Variants in MYH2 observed in about 807,000 individuals in gnomAD.
The protein encoded by MYH2 is myosin heavy chain 2, also known as myosin-2.
MYH2 carries 139 observed loss-of-function variants against 228.1 expected under a neutral mutation model. The observed-to-expected ratio is 0.61, with a 90% confidence interval of 0.53 to 0.70. The LOEUF (loss-of-function observed/expected upper bound fraction) is 0.70, where lower values mean the gene tolerates loss of function less well. MYH2 is among the 30% of genes least tolerant of loss of function. The pLI, the probability that MYH2 is intolerant of heterozygous loss-of-function variation, is 0.00. For missense variants in MYH2, 1,809 were observed against 2,357.5 expected (o/e 0.77, Z 4.82); for synonymous variants, 796 against 871.1 (o/e 0.91, Z 1.52).
Position 10,535,356 on chromosome 17 carries a change from TC to T in MYH2, c.1983del (p.Asn662ThrfsTer3). On this transcript the variant is annotated frameshift_variant, in exon 18 of 40. Transcript: ENST00000245503. LOFTEE classifies it high-confidence loss of function. ...QTVSALFREN[L>X]NKLMTNLRST... is the part of the protein sequence containing the mutation. ...CTCCTGAGGTTGGTCATCAGCTTGTTCAAATTCTCCTGTAAAACCAGGAAAA... is the reference window on the plus strand; with the variant it reads ...CTCCTGAGGTTGGTCATCAGCTTGTTAAATTCTCCTGTAAAACCAGGAAAA... 6.2e-7 allele frequency: 1 copy of T among 1,614,106 alleles called. No homozygotes were observed. The highest frequency in any genetic ancestry group is 8.5e-7 in the Non-Finnish European group (1 of 1,179,958).
rs369109207 is a variant in MYH2 at position 10,543,443 on chromosome 17, C to T, written c.741+268G>A. Among the ~76,000 whole-genome samples, 31 of 152,024 alleles carry T rather than the reference C, an allele frequency of 2.0e-4. 1 individual carries two copies. The highest frequency in any genetic ancestry group is 9.7e-4 in the East Asian group (5 of 5,180). On this transcript the variant is annotated intron_variant, in intron 8 of 39. Coordinates refer to ENST00000245503, the MANE Select transcript of MYH2 (RefSeq NM_017534.6). ...TATATCAAAACATCACATTGTATTTCGTAAGTACAATTATTATTTGTAAAT... is the reference window on the plus strand; with the variant it reads ...TATATCAAAACATCACATTGTATTTTGTAAGTACAATTATTATTTGTAAAT...
chr17:10,538,577 G>A (rs1031488488), intron 14 of MYH2, among the ~76,000 whole-genome samples: 10 of 150,986 alleles, frequency 6.6e-5, no homozygotes, highest in Admixed American at 2.0e-4. Flanking sequence ...CCCAGGAGGC[G>A]GAGCTTGCAG....
At chr17:10,540,297 G>T (rs1597455991) in intron 11 of MYH2, among the ~76,000 whole-genome samples, 1 of 150,254 alleles carries the variant, frequency 6.7e-6, no homozygotes, top group Non-Finnish European at 1.5e-5. Context: ...AGAGAACAAA[G>T]ATAGTAAATC....
Position 10,525,638 on chromosome 17 carries a change from C to A in MYH2, c.4372-22G>T, listed in dbSNP as rs201874604. The stretch of plus-strand genomic sequence containing the variant: ...GGATCTGAAAAACCAAGACCTGTTA[C>A]CTGCTGCAAAGACAAAAGAGTAGAG... On this transcript the variant is annotated intron_variant, in intron 31 of 39. Transcript: ENST00000245503. This position sits in a 1 kb window ranked among gnomAD's most constrained non-coding sequence, Gnocchi z 4.2. 4.8e-4 allele frequency: 771 copies of A among 1,614,172 alleles called. 2 individuals are homozygous for A. Among genetic ancestry groups the A allele is most frequent in the Middle Eastern group, 2.3e-3 (14 of 6,062 alleles).
In MYH2 at chr17:10,543,089, A is replaced by G; in HGVS notation, c.805+9T>C. On this transcript the variant is annotated intron_variant, in intron 9 of 39. Coordinates refer to ENST00000245503, the MANE Select transcript of MYH2 (RefSeq NM_017534.6). ...TCAGAAATGATTTTAAAGATATCTGAACACTTACATGTTTCAATATCAGCA... is the reference window on the plus strand; with the variant it reads ...TCAGAAATGATTTTAAAGATATCTGGACACTTACATGTTTCAATATCAGCA... 6.2e-7 allele frequency: 1 copy of G among 1,609,978 alleles called. No individual in the cohort carries two copies. Among genetic ancestry groups the G allele is most frequent in the African/African-American group, 1.3e-5 (1 of 74,944 alleles).
intron 21 of MYH2, among the ~76,000 whole-genome samples, chr17:10,532,174 C>G (rs2073432646): frequency 1.3e-5 from 2 of 152,158 alleles, no homozygotes; most frequent in Admixed American, 1.3e-4. Flanking sequence ...TTCAGAAGAT[C>G]TAGGGTGGAG....
chr17:10,544,725 CTTCTCAAGG>C (rs1411746618), intron 5 of MYH2, among the ~76,000 whole-genome samples: 1 of 152,150 alleles, frequency 6.6e-6, no homozygotes, highest in Non-Finnish European at 1.5e-5. Context: ...CTCTAAGCCC[CTTCTCAAGG>C]TGCCACAAGT....
At position 10,530,131 on chromosome 17, in the gene MYH2, A is replaced by G. The variant is rs937283251; in HGVS notation, c.2698-57T>C. 5 of 1,610,970 alleles carry G rather than the reference A, an allele frequency of 3.1e-6. No homozygotes were observed. The African/African-American group carries it at 6.7e-5, about 21-fold the overall frequency. On this transcript the variant is annotated intron_variant, in intron 22 of 39. Transcript: ENST00000245503. ...GAAAGAATGAAATACTTCACAATGG[A>G]TAAGAGTGTATGTTTCTGCATTTGA...
intron 2 of MYH2, among the ~76,000 whole-genome samples, chr17:10,548,339 G>A (rs2073660895): frequency 6.6e-6 from 1 of 152,174 alleles, no homozygotes; most frequent in African/African-American, 2.4e-5. Flanking sequence ...TGATATATGT[G>A]AAGATACTTT....
intron 10 of MYH2, among the ~76,000 whole-genome samples, chr17:10,541,767 G>T (rs2073558397): frequency 6.6e-6 from 1 of 151,980 alleles, no homozygotes; most frequent in African/African-American, 2.4e-5. Flanking sequence ...TCTCTCTTTT[G>T]TACTCTTTCC....
rs1481637905 is a variant in MYH2, at chr17:10,529,202, G to A, written c.3314C>T (p.Ala1105Val). The A allele has an allele frequency of 5.0e-6, 8 of 1,614,194 alleles. No homozygotes were observed. Among genetic ancestry groups the A allele is most frequent in the Middle Eastern group, 1.6e-4 (1 of 6,062 alleles). The change falls in exon 26 of 40, where the codon GCA (alanine) becomes GTA (valine). Residue 1105 changes from alanine to valine, a missense_variant. This residue lies in a region of MYH2 where 636 missense variants were observed against 729.9 expected (regional missense o/e 0.87). Coordinates refer to ENST00000245503, the MANE Select transcript of MYH2 (RefSeq NM_017534.6). Reference sequence around the variant, plus strand: ...TTTCTTCTGCAATTGAATGCCAAGTGCCTGTTCATCTTCAATCTTGCTTTG... The same window carrying A: ...TTTCTTCTGCAATTGAATGCCAAGTACCTGTTCATCTTCAATCTTGCTTTG... ...NLQSKIEDEQ[A>V]LGIQLQKKIK...
chr17:10,542,571 T>C (rs1219859345), intron 10 of MYH2, among the ~76,000 whole-genome samples: 3 of 152,180 alleles, frequency 2.0e-5, no homozygotes, highest in African/African-American at 7.2e-5. Flanking sequence ...GTTATGAAAA[T>C]TGTATGTATG....
At position 10,537,399 on chromosome 17, in the gene MYH2, C is replaced by A; in HGVS notation, c.1731G>T (p.Glu577Asp). ...QKPKVVKGKA[E>D]AHFALIHYAG... ...CATAGTGAATCAGAGCGAAGTGGGC[C>A]TCGGCCTTGCCTTTGACCACCTTGG... The change falls in exon 16 of 40, where the codon GAG (glutamate) becomes GAT (aspartate). Residue 577 changes from glutamate to aspartate, a missense_variant. Physicochemically the swap from Glu to Asp is conservative, Grantham distance 45 (BLOSUM62 2). Transcript: ENST00000245503. The surrounding 1 kb of genome is among the most constrained non-coding windows in gnomAD (Gnocchi z 4.0). 1 of 1,614,174 alleles carries A rather than the reference C, an allele frequency of 6.2e-7. No homozygotes were observed.
Position 10,537,348 on chromosome 17 carries a change from A to G in MYH2, c.1782T>C (p.Thr594=), listed in dbSNP as rs753034505. 1.2e-5 allele frequency: 19 copies of G among 1,614,212 alleles called. 1 individual carries two copies. Among genetic ancestry groups the G allele is most frequent in the South Asian group, 1.1e-4 (10 of 91,084 alleles). ...GGTCCTTGTTCTTCTCCAGCCAGCC[A>G]GTAATGTTGTAGTCCACAACACCAG... ...HYAGVVDYNI[T]GWLEKNKDPL... The change falls in exon 16 of 40, where the codon ACT becomes ACC. Residue 594 remains threonine, a synonymous_variant. Coordinates refer to ENST00000245503, the MANE Select transcript of MYH2 (RefSeq NM_017534.6). The surrounding 1 kb of genome is among the most constrained non-coding windows in gnomAD (Gnocchi z 4.0).
chr17:10,522,981 A>G, intron 39 of MYH2, 109 bp downstream of exon 39: 1 of 747,562 alleles, frequency 1.3e-6, no homozygotes, highest in Non-Finnish European at 2.3e-6. Context: ...TACAAAAACA[A>G]ATGTTAAATA....
In MYH2 at chr17:10,531,834, G is replaced by C; in HGVS notation, c.2496C>G (p.His832Gln). ...TGAAGAAGAGTTTCATCCAGGGCCA[G>C]TGCTTGACATTCATGAAGGATCTGA... ...YNIRSFMNVK[H>Q]WPWMKLFFKI... Residue 832 changes from histidine to glutamine, a missense_variant, in exon 22 of 40, where the codon CAC (histidine) becomes CAG (glutamine). His to Gln is a conservative substitution (Grantham distance 24). Around this residue, in one of 9 missense-constraint regions of MYH2, gnomAD observed 276 missense variants for 344.2 expected, o/e 0.80. Transcript: ENST00000245503. The C allele has an allele frequency of 6.2e-7, 1 of 1,614,132 alleles. No individual in the cohort carries two copies. The highest frequency in any genetic ancestry group is 1.1e-5 in the South Asian group (1 of 91,082).
chr17:10,529,754 G>C lies in MYH2; in HGVS notation c.2941-14C>G. The stretch of plus-strand genomic sequence containing the variant: ...GAGGTTTTTCACCTACAAAGGTGAA[G>C]AAAGCAGTTTAGTTGCTATAAAGCA... On this transcript the variant is annotated splice_polypyrimidine_tract_variant and intron_variant, in intron 23 of 39. Coordinates refer to ENST00000245503, the MANE Select transcript of MYH2 (RefSeq NM_017534.6). The C allele has an allele frequency of 6.2e-7, 1 of 1,614,054 alleles. No homozygotes were observed.
At position 10,527,755 on chromosome 17, in the gene MYH2, A is replaced by T. The variant is rs1212726358; in HGVS notation, c.3864T>A (p.Thr1288=). The T allele has an allele frequency of 6.2e-7, 1 of 1,614,118 alleles. No homozygotes were observed. Among genetic ancestry groups the T allele is most frequent in the Non-Finnish European group, 8.5e-7 (1 of 1,180,024 alleles). Residue 1288 remains threonine, a synonymous_variant, in exon 28 of 40, where the codon ACT becomes ACA. Transcript: ENST00000245503. ...DLTAQRGRLQ[T]ESGEFSRQLD... Reference sequence around the variant, plus strand: ...AGAAGAGGGGAGAGTTACCAGATTCAGTCTGCAGGCGCCCCCTCTGCGCAG... The same window carrying T: ...AGAAGAGGGGAGAGTTACCAGATTCTGTCTGCAGGCGCCCCCTCTGCGCAG...
chr17:10,529,555 CA>C lies in MYH2; in HGVS notation c.3117+8del, dbSNP rs1323736027. The C allele has an allele frequency of 6.2e-7, 1 of 1,614,000 alleles. No homozygotes were observed. Among genetic ancestry groups the C allele is most frequent in the East Asian group, 2.2e-5 (1 of 44,880 alleles). On this transcript the variant is annotated splice_region_variant and intron_variant, in intron 24 of 39. Transcript: ENST00000245503. ...AAGAAAAGAATGTCCTTGATGATACCAGACTTACATCATCCACTTGTTGTTC... is the reference window on the plus strand; with the variant it reads ...AAGAAAAGAATGTCCTTGATGATACCGACTTACATCATCCACTTGTTGTTC...
Sources: gnomAD v4.1 joint callset for allele counts (sites outside exome capture counted in the v4.1 genomes callset) on GRCh38, gnomAD v4.1.1 for gene constraint, gnomAD v4.1.1 regional missense constraint, Gnocchi (gnomAD v3.1) non-coding constraint, MANE v1.5 for transcripts, NCBI Gene and HGNC (gene_info 2026-07-23, HGNC 2026-07-21) for gene names.